The following DCLK1 variants were observed in gnomAD, a reference collection of about 807,000 sequenced individuals.
DCLK1 encodes serine/threonine-protein kinase DCLK1.
In DCLK1, 16 loss-of-function variants were observed where a neutral mutation model predicts 86.2. The ratio of observed to expected loss-of-function variants is 0.19; its 90% CI spans 0.13 to 0.28. The LOEUF (loss-of-function observed/expected upper bound fraction) is 0.28. Among genes scored for constraint, DCLK1 ranks in the 10% least tolerant of loss-of-function variants. The pLI is 1.00. For missense variants in DCLK1, 590 were observed against 940.2 expected (o/e 0.63, Z 4.87); for synonymous variants, 369 against 370.5 (o/e 1.00, Z 0.05).
At chr13:35,973,672 T>G (rs2153140002) in intron 3 of DCLK1, among the ~76,000 whole-genome samples, 1 of 152,272 alleles carries the variant, frequency 6.6e-6, no homozygotes, top group Non-Finnish European at 1.5e-5. Context: ...AATGTAGGCT[T>G]TTCCTTCAAA....
chr13:35,898,876 G>A (rs1400443832), intron 4 of DCLK1, among the ~76,000 whole-genome samples: 1 of 152,116 alleles, frequency 6.6e-6, no homozygotes, highest in African/African-American at 2.4e-5. Context: ...CAAGTAACTG[G>A]AACTATAGGC....
chr13:36,120,027 A>T (rs1191051492), intron 2 of DCLK1, among the ~76,000 whole-genome samples: 1 of 152,210 alleles, frequency 6.6e-6, no homozygotes, highest in East Asian at 1.9e-4. Context: ...AAAGAAATGA[A>T]GCAAATAGCC....
intron 11 of DCLK1, among the ~76,000 whole-genome samples, chr13:35,817,209 T>C (rs2087288049): frequency 6.6e-6 from 1 of 152,160 alleles, no homozygotes. Context: ...AAGGGATACC[T>C]TTTCCTTCCT....
intron 12 of DCLK1, among the ~76,000 whole-genome samples, chr13:35,810,164 C>A (rs771008914): frequency 1.3e-5 from 2 of 152,198 alleles, no homozygotes; most frequent in Non-Finnish European, 2.9e-5. Context: ...TAATCATGAG[C>A]TTGCATGGTA....
At chr13:35,869,652 T>C (rs1048985428) in intron 5 of DCLK1, among the ~76,000 whole-genome samples, 2 of 152,264 alleles carry the variant, frequency 1.3e-5, no homozygotes, top group African/African-American at 4.8e-5. Flanking sequence ...AACCCCCTGC[T>C]TCTCAAAGTG....
chr13:36,116,242 G>A (rs1032910625), intron 2 of DCLK1, among the ~76,000 whole-genome samples: 2 of 152,112 alleles, frequency 1.3e-5, no homozygotes, highest in Admixed American at 6.5e-5. Flanking sequence ...GAGCCACCGC[G>A]ACTGGCCTGT....
At chr13:35,906,851 T>C (rs907748514) in intron 4 of DCLK1, among the ~76,000 whole-genome samples, 2 of 152,126 alleles carry the variant, frequency 1.3e-5, no homozygotes, top group African/African-American at 4.8e-5. Flanking sequence ...GAAACTTGAT[T>C]ATGCAAATTG....
chr13:35,836,000 T>G (rs1243096828), intron 8 of DCLK1, 33 bp downstream of exon 8: 6 of 1,475,196 alleles, frequency 4.1e-6, no homozygotes, highest in Non-Finnish European at 5.6e-6. Flanking sequence ...AAATGTAACC[T>G]TTAAGGTTTG....
chr13:35,781,415 T>G (rs541630872), intron 16 of DCLK1, among the ~76,000 whole-genome samples: 28 of 152,320 alleles, frequency 1.8e-4, no homozygotes, highest in African/African-American at 6.5e-4. Flanking sequence ...CTATGAATAT[T>G]CTTAATATCA....
intron 4 of DCLK1, among the ~76,000 whole-genome samples, chr13:35,936,445 C>T (rs1016911043): frequency 3.3e-5 from 5 of 152,186 alleles, no homozygotes; most frequent in African/African-American, 1.2e-4. Flanking sequence ...TTCTTACTCA[C>T]TTTGAGGACA....
chr13:35,840,532 G>A (rs922741479), intron 6 of DCLK1, among the ~76,000 whole-genome samples: 2 of 152,208 alleles, frequency 1.3e-5, no homozygotes, highest in Non-Finnish European at 2.9e-5. Flanking sequence ...CTACAGAACA[G>A]GCTAAAAGTT....
chr13:35,912,055 T>C (rs1875070380), intron 4 of DCLK1, among the ~76,000 whole-genome samples: 1 of 151,778 alleles, frequency 6.6e-6, no homozygotes. Flanking sequence ...AAATGGAATA[T>C]GTTTCATACA....
chr13:35,825,212 C>CCCA (rs2087491271), intron 10 of DCLK1, among the ~76,000 whole-genome samples: 1 of 152,088 alleles, frequency 6.6e-6, no homozygotes, highest in African/African-American at 2.4e-5. Context: ...AGAAGCATAC[C>CCCA]CCACCCACAT....
Position 35,890,977 on chromosome 13 carries a change from C to A in DCLK1, c.824-19637G>T, listed in dbSNP as rs527780149. On this transcript the variant is annotated intron_variant, in intron 4 of 16. Coordinates refer to ENST00000360631, the MANE Select transcript of DCLK1 (RefSeq NM_001330071.2). The stretch of plus-strand genomic sequence containing the variant: ...CACATTTTGTACAAACAGCACTTTC[C>A]CTTTGTCTCCTAATTTTAATTTTTA... Among the ~76,000 whole-genome samples, 56 of 151,510 alleles carry A rather than the reference C, an allele frequency of 3.7e-4. No individual in the cohort carries two copies. The South Asian group carries it at 0.011, about 31-fold the overall frequency.
chr13:35,844,114 CCAAATTCCTTTGTCTG>C (rs760143423), intron 6 of DCLK1, among the ~76,000 whole-genome samples: 15 of 152,166 alleles, frequency 9.9e-5, no homozygotes, highest in Non-Finnish European at 1.8e-4. Context: ...ACTGCTTTTT[CCAAATTCCTTTGTCTG>C]CAATCTTCAT....
At chr13:35,967,448 T>C (rs1445133802) in intron 3 of DCLK1, among the ~76,000 whole-genome samples, 1 of 152,202 alleles carries the variant, frequency 6.6e-6, no homozygotes, top group Non-Finnish European at 1.5e-5. Context: ...TAGAAAGAAG[T>C]AGACATAGGA....
chr13:35,785,418 G>T (rs1008862822), intron 16 of DCLK1, among the ~76,000 whole-genome samples: 4 of 151,756 alleles, frequency 2.6e-5, no homozygotes, highest in African/African-American at 9.7e-5. Flanking sequence ...CAATAGCCCA[G>T]TGAGCTCACA....
At chr13:36,126,249 A>G (rs1886185279) in intron 1 of DCLK1, 93 bp from the exon 2 acceptor site, 1 of 1,091,820 alleles carries the variant, frequency 9.2e-7, no homozygotes, top group Admixed American at 3.5e-5. Context: ...TATGTTAGGG[A>G]CAGGGTCCTG....
chr13:35,771,019 A>G lies in DCLK1; in HGVS notation c.*3516T>C, dbSNP rs1354080081. 2 of 152,206 alleles carry G rather than the reference A, an allele frequency of 1.3e-5. No homozygotes were observed. Among genetic ancestry groups the G allele is most frequent in the East Asian group, 3.8e-4 (2 of 5,196 alleles). 9.4% of individuals were successfully genotyped at this position (152,206 alleles called of 1,614,324 possible). A position where few individuals can be genotyped will look rare whatever the true frequency, so the allele number is the denominator to read the frequency against. Reference sequence around the variant, plus strand: ...CCCAGAGAAGGGCTAAGAGCAACACAGTAATATTAAGAAAGCTCTCCCTCA... The same window carrying G: ...CCCAGAGAAGGGCTAAGAGCAACACGGTAATATTAAGAAAGCTCTCCCTCA... On this transcript the variant is annotated 3_prime_UTR_variant, in exon 17 of 17. Coordinates refer to ENST00000360631, the MANE Select transcript of DCLK1 (RefSeq NM_001330071.2).
Sources: gnomAD v4.1 joint callset for allele counts (sites outside exome capture counted in the v4.1 genomes callset) on GRCh38, gnomAD v4.1.1 for gene constraint, MANE v1.5 for transcripts, NCBI Gene and HGNC (gene_info 2026-07-23, HGNC 2026-07-21) for gene names.